The following MRE11 variants were observed in gnomAD, a reference collection of about 807,000 sequenced individuals.
The protein encoded by MRE11 is MRE11 double strand break repair nuclease.
MRE11 carries 62 observed loss-of-function variants against 91.7 expected under a neutral mutation model. The observed-to-expected ratio is 0.68, with a 90% CI of 0.55 to 0.84. The LOEUF is 0.84. MRE11 is among the 40% of genes least tolerant of loss of function. MRE11 has a pLI of 0.00. For synonymous variants in MRE11, 273 were observed against 271.4 expected, an observed-to-expected ratio of 1.01 and a Z score of -0.06; for missense variants, 796 against 852.9, an observed-to-expected ratio of 0.93 and a Z score of 0.83.
chr11:94,486,168 A>T, intron 3 of MRE11, 84 bp from the exon 4 acceptor site: 11 of 1,375,554 alleles, frequency 8.0e-6, no homozygotes, highest in Non-Finnish European at 1.1e-5. Context: ...ATAAAAAAAA[A>T]CTCACAAAAG....
At chr11:94,435,963 G>C (rs1408017163) in intron 17 of MRE11, 64 bp from the exon 18 acceptor site, 1 of 1,365,678 alleles carries the variant, frequency 7.3e-7, no homozygotes, top group Non-Finnish European at 1.0e-6. Context: ...AAATGAAAAT[G>C]AAGAAATGAA....
At chr11:94,453,284 G>A (rs1352556869) in intron 14 of MRE11, among the ~76,000 whole-genome samples, 11 of 152,086 alleles carry the variant, frequency 7.2e-5, no homozygotes, top group African/African-American at 1.4e-4. Flanking sequence ...ATGCTGCTAC[G>A]AACACTGATG....
At chr11:94,454,670 G>A (rs1224641542) in intron 14 of MRE11, among the ~76,000 whole-genome samples, 3 of 152,036 alleles carry the variant, frequency 2.0e-5, no homozygotes, top group Non-Finnish European at 4.4e-5. Flanking sequence ...TATTTCTTCT[G>A]TAAAACTCCC....
intron 17 of MRE11, 109 bp from the exon 18 acceptor site, chr11:94,436,008 C>CA (rs1224148872): frequency 1.1e-5 from 11 of 990,478 alleles, no homozygotes; most frequent in Admixed American, 3.7e-5. Flanking sequence ...ATATGAGCCA[C>CA]AAAAAAGGAG....
chr11:94,426,068 C>T (rs532300125), intron 19 of MRE11, among the ~76,000 whole-genome samples: 8 of 152,222 alleles, frequency 5.3e-5, no homozygotes, highest in South Asian at 2.1e-4. Context: ...AGATAGATCA[C>T]GTGTTCAGTC....
chr11:94,421,960 A>G (rs895006614), intron 19 of MRE11, among the ~76,000 whole-genome samples: 5 of 152,228 alleles, frequency 3.3e-5, no homozygotes, highest in South Asian at 2.1e-4. Context: ...GCAAAATGAA[A>G]AAGTGCTGAA....
upstream of MRE11, chr11:94,498,562 A>G (rs1380613011): frequency 1.9e-6 from 3 of 1,554,358 alleles, no homozygotes; most frequent in Admixed American, 5.3e-5. Flanking sequence ...AAGTTTCTAA[A>G]TACCAGTGCC....
chr11:94,459,531 T>G lies in MRE11; in HGVS notation c.1377A>C (p.Gln459His). 6.2e-7 allele frequency: 1 copy of G among 1,614,108 alleles called. No individual in the cohort carries two copies. Among genetic ancestry groups the G allele is most frequent in the Non-Finnish European group, 8.5e-7 (1 of 1,179,938 alleles). The change falls in exon 13 of 20, where the codon CAA (glutamine) becomes CAC (histidine). Residue 459 changes from glutamine to histidine, a missense_variant. By Grantham distance (24) the Gln-to-His change is conservative. Transcript: ENST00000323929. ...CTTTCTCCTCCTTGTCCACAAATTC[T>G]TGTACTGCTTCACCCATCCCTCTTT... ...LTERGMGEAV[Q>H]EFVDKEEKDA...
intron 8 of MRE11, among the ~76,000 whole-genome samples, chr11:94,471,150 A>C (rs1946698579): frequency 6.6e-6 from 1 of 152,082 alleles, no homozygotes; most frequent in Non-Finnish European, 1.5e-5. Context: ...AATCACTGTT[A>C]ACTACTTCTT....
chr11:94,460,800 T>A, intron 12 of MRE11, 136 bp downstream of exon 12: 1 of 750,302 alleles, frequency 1.3e-6, no homozygotes. Flanking sequence ...ATGAATGTAA[T>A]TAATTGTCAC....
chr11:94,487,632 T>C (rs1368100788), intron 3 of MRE11, among the ~76,000 whole-genome samples: 2 of 152,208 alleles, frequency 1.3e-5, no homozygotes, highest in Admixed American at 6.5e-5. Flanking sequence ...ACAGGGACAA[T>C]TGGCAACATC....
At chr11:94,439,331 T>C (rs146290411) in intron 16 of MRE11, among the ~76,000 whole-genome samples, 37 of 152,284 alleles carry the variant, frequency 2.4e-4, no homozygotes, top group South Asian at 6.2e-4. Context: ...CACAAATTTA[T>C]ACTTAAAAAA....
chr11:94,418,124 C>T lies in MRE11; in HGVS notation c.*2001G>A, dbSNP rs1211140529. On this transcript the variant is annotated 3_prime_UTR_variant, in exon 20 of 20. Transcript: ENST00000323929. ...GTTAGAAACAAAAAACAAAACTCCC[C>T]TAAAACCAACAGATTTTGCAGGATC... 4.3e-6 allele frequency: 1 copy of T among 232,920 alleles called. No individual in the cohort carries two copies. The highest frequency in any genetic ancestry group is 8.5e-6 in the Non-Finnish European group (1 of 117,976). 14.4% of individuals were successfully genotyped at this position (232,920 alleles called of 1,614,324 possible).
rs370306271 is a variant in MRE11 at position 94,476,416 on chromosome 11, T to C, written c.545-13A>G. On this transcript the variant is annotated splice_polypyrimidine_tract_variant and intron_variant, in intron 6 of 19. Coordinates refer to ENST00000323929, the MANE Select transcript of MRE11 (RefSeq NM_005591.4). ...TCTGGAATGGATCCTGAAATGGACA[T>C]TACATTATTTTTAAATTGTTTTCTT... The C allele has an allele frequency of 1.7e-5, 25 of 1,511,812 alleles. No individual in the cohort carries two copies. The highest frequency in any genetic ancestry group is 3.3e-5 in the Admixed American group (2 of 59,724). 93.6% of individuals were successfully genotyped at this position (1,511,812 alleles called of 1,614,324 possible).
intron 1 of MRE11, chr11:94,493,499 C>T (rs1947349575): frequency 6.6e-6 from 1 of 152,152 alleles, no homozygotes; most frequent in Admixed American, 6.5e-5. Flanking sequence ...ATCTGGAGCT[C>T]CAGATTCCGT....
At chr11:94,459,338 A>T in intron 13 of MRE11, 70 bp downstream of exon 13, 1 of 1,538,820 alleles carries the variant, frequency 6.5e-7, no homozygotes, top group Non-Finnish European at 9.0e-7. Flanking sequence ...ATTTACCAGA[A>T]AAAAATCTCA....
In MRE11 at chr11:94,464,256, A is replaced by G; in HGVS notation, c.1099-17T>C. ...ATAGTCCACCTGAAAACACAGAATA[A>G]TCTATGAACGCTAGGAAACAACAAT... On this transcript the variant is annotated splice_polypyrimidine_tract_variant and intron_variant, in intron 10 of 19. Transcript: ENST00000323929. The G allele has an allele frequency of 6.2e-7, 1 of 1,613,730 alleles. No individual in the cohort carries two copies. Among genetic ancestry groups the G allele is most frequent in the Non-Finnish European group, 8.5e-7 (1 of 1,179,782 alleles).
chr11:94,436,389 C>T (rs1945615050), intron 17 of MRE11, among the ~76,000 whole-genome samples: 1 of 152,176 alleles, frequency 6.6e-6, no homozygotes, highest in African/African-American at 2.4e-5. Flanking sequence ...AATACTATTT[C>T]TCTACATTTT....
rs587782457 is a variant in MRE11 at position 94,461,024 on chromosome 11, T to C, written c.1238A>G (p.Asn413Ser). Residue 413 changes from asparagine to serine, a missense_variant, in exon 12 of 20, where the codon AAC (asparagine) becomes AGC (serine). Physicochemically the swap from Asn to Ser is conservative, Grantham distance 46 (BLOSUM62 1). Transcript: ENST00000323929. ...EQKEKTGEEINFGKLITKPSE... is the reference protein window; with the variant it reads ...EQKEKTGEEISFGKLITKPSE... ...AGGCTTTGTGATAAGTTTCCCAAAG[T>C]TGATCTCTTCTCCTAGAAAAAAAGA... The C allele has an allele frequency of 1.2e-5, 20 of 1,613,008 alleles. No homozygotes were observed. The highest frequency in any genetic ancestry group is 1.7e-5 in the Non-Finnish European group (20 of 1,179,496).
Sources: gnomAD v4.1 joint callset for allele counts (sites outside exome capture counted in the v4.1 genomes callset) on GRCh38, gnomAD v4.1.1 for gene constraint, MANE v1.5 for transcripts, NCBI Gene and HGNC (gene_info 2026-07-23, HGNC 2026-07-21) for gene names.